MS4A15: variants seen among roughly 807,000 people sequenced by gnomAD.
MS4A15 encodes membrane spanning 4-domains A15.
MS4A15 carries 22 observed loss-of-function variants against 20.6 expected under a neutral mutation model. The observed-to-expected ratio is 1.07, with a 90% CI of 0.76 to 1.52. The LOEUF is 1.52. Among genes scored for constraint, MS4A15 ranks in the 40% most tolerant of loss-of-function variants. MS4A15 has a pLI of 0.00. For synonymous variants in MS4A15, 129 were observed against 129.3 expected, an observed-to-expected ratio of 1.00 and a Z score of 0.02; for missense variants, 312 against 323.0, an observed-to-expected ratio of 0.97 and a Z score of 0.26.
intron 3 of MS4A15, 35 bp downstream of exon 3, chr11:60,767,690 G>A (rs1377354183): frequency 1.1e-5 from 16 of 1,512,794 alleles, no homozygotes; most frequent in Non-Finnish European, 1.4e-5. Flanking sequence ...GAGGGTAGGG[G>A]GATGCTGCCC....
intron 2 of MS4A15, among the ~76,000 whole-genome samples, chr11:60,765,674 C>A (rs1338200307): frequency 6.6e-6 from 1 of 152,114 alleles, no homozygotes; most frequent in Non-Finnish European, 1.5e-5. Context: ...ACTTTCAACC[C>A]CTCTGCTTTG....
intron 2 of MS4A15, 93 bp from the exon 3 acceptor site, chr11:60,767,440 G>A: frequency 7.3e-7 from 1 of 1,360,666 alleles, no homozygotes; most frequent in Non-Finnish European, 9.6e-7. Flanking sequence ...CCAACAAGCG[G>A]GAGGAGGGCG....
At chr11:60,773,014 C>T (rs1337782236) in intron 4 of MS4A15, among the ~76,000 whole-genome samples, 2 of 152,340 alleles carry the variant, frequency 1.3e-5, no homozygotes, top group Admixed American at 6.5e-5. Context: ...CAACCCATGC[C>T]CCTGAGCAGG....
chr11:60,770,012 C>T (rs1853991159), intron 3 of MS4A15, among the ~76,000 whole-genome samples: 1 of 152,222 alleles, frequency 6.6e-6, no homozygotes, highest in Non-Finnish European at 1.5e-5. Context: ...AGCTGCAGGC[C>T]CAGAGTGGCG....
intron 3 of MS4A15, among the ~76,000 whole-genome samples, chr11:60,770,317 C>T (rs1854001216): frequency 1.3e-5 from 2 of 151,266 alleles, no homozygotes; most frequent in Middle Eastern, 3.2e-3. Flanking sequence ...ATATAAGTTC[C>T]GGCCGGGCAC....
chr11:60,775,909 TAA>T lies in MS4A15; in HGVS notation c.*197_*198del, dbSNP rs1488096982. On this transcript the variant is annotated 3_prime_UTR_variant, in exon 7 of 7. Transcript: ENST00000405633. ...CACACTTTCCCCAGTGCTTTCTTTC[TAA>T]AAGACACCGGGCTGACGTCAGGGGT... 10 of 502,392 alleles carry T rather than the reference TAA, an allele frequency of 2.0e-5. No individual in the cohort carries two copies. Among genetic ancestry groups the T allele is most frequent in the Non-Finnish European group, 3.6e-5 (10 of 281,176 alleles). The allele number at this position is 502,392 out of a possible 1,614,324, so 31.1% of individuals were successfully genotyped here. A position where few individuals can be genotyped will look rare whatever the true frequency, so the allele number is the denominator to read the frequency against.
chr11:60,775,694 A>G lies in MS4A15; in HGVS notation c.702A>G (p.Ala234=), dbSNP rs11828795. 5.8e-4 allele frequency: 938 copies of G among 1,613,774 alleles called. 9 individuals carry two copies. The African/African-American group carries it at 0.011, about 19-fold the overall frequency. ...ASAPPAYDNV[A]YAQGVV ...CGCCCCCTGCCTATGACAATGTGGC[A>G]TATGCCCAAGGAGTCGTCTGAGTAG... The change falls in exon 7 of 7, where the codon GCA becomes GCG. Residue 234 remains alanine (A), a synonymous_variant. Transcript: ENST00000405633.
At chr11:60,765,673 C>A (rs1027822716) in intron 2 of MS4A15, among the ~76,000 whole-genome samples, 4 of 152,130 alleles carry the variant, frequency 2.6e-5, no homozygotes, top group Admixed American at 6.5e-5. Flanking sequence ...TACTTTCAAC[C>A]CCTCTGCTTT....
chr11:60,766,905 T>C (rs1833285605), intron 2 of MS4A15, among the ~76,000 whole-genome samples: 1 of 152,212 alleles, frequency 6.6e-6, no homozygotes, highest in Non-Finnish European at 1.5e-5. Context: ...AACATCTCTT[T>C]CCACTCAGTT....
intron 3 of MS4A15, among the ~76,000 whole-genome samples, chr11:60,768,308 C>A (rs1007181284): frequency 2.6e-5 from 4 of 152,226 alleles, no homozygotes; most frequent in Non-Finnish European, 5.9e-5. Context: ...CTCTAGCTCC[C>A]TGAGTTGGGT....
At chr11:60,773,705 C>T (rs907978847) in intron 5 of MS4A15, 132 bp from the exon 6 acceptor site, 26 of 834,632 alleles carry the variant, frequency 3.1e-5, no homozygotes, top group African/African-American at 5.0e-5. Flanking sequence ...GCAGGACTGG[C>T]GGCAGGGGGA....
intron 3 of MS4A15, among the ~76,000 whole-genome samples, chr11:60,768,255 A>G (rs554820145): frequency 6.6e-6 from 1 of 152,100 alleles, no homozygotes; most frequent in Non-Finnish European, 1.5e-5. Flanking sequence ...CACTGCCCAG[A>G]TCCTAAGCCT....
Position 60,767,524 on chromosome 11 carries a change from T to C in MS4A15, c.226-9T>C. The C allele has an allele frequency of 1.3e-6, 2 of 1,515,056 alleles. No individual in the cohort carries two copies. The highest frequency in any genetic ancestry group is 1.8e-6 in the Non-Finnish European group (2 of 1,125,532). The allele number at this position is 1,515,056 out of a possible 1,614,324, so 93.9% of individuals were successfully genotyped here. A position where few individuals can be genotyped will look rare whatever the true frequency, so the allele number is the denominator to read the frequency against. On this transcript the variant is annotated splice_polypyrimidine_tract_variant and intron_variant, in intron 2 of 6. Coordinates refer to ENST00000405633, the MANE Select transcript of MS4A15 (RefSeq NM_001098835.2). Reference sequence around the variant, plus strand: ...GGCCCGCGGCACTGAGCCTCGGGGCTTCCCGCAGACGGTGCAGATCCTCAT... The same window carrying C: ...GGCCCGCGGCACTGAGCCTCGGGGCCTCCCGCAGACGGTGCAGATCCTCAT...
chr11:60,773,819 G>A lies in MS4A15; in HGVS notation c.499-18G>A. 1 of 1,606,918 alleles carries A rather than the reference G, an allele frequency of 6.2e-7. No homozygotes were observed. The highest frequency in any genetic ancestry group is 1.7e-4 in the Middle Eastern group (1 of 5,978). On this transcript the variant is annotated intron_variant, in intron 5 of 6. Coordinates refer to ENST00000405633, the MANE Select transcript of MS4A15 (RefSeq NM_001098835.2). The stretch of plus-strand genomic sequence containing the variant: ...TCTAGAACTCTGGGCTCACCTTTCT[G>A]TGGGTTTTGGTCCCCAGGATGTGGA...
intron 1 of MS4A15, among the ~76,000 whole-genome samples, chr11:60,763,374 A>T (rs997006349): frequency 6.6e-6 from 1 of 152,158 alleles, no homozygotes; most frequent in African/African-American, 2.4e-5. Context: ...GTGTGTCCTT[A>T]GGTAAGTCAC....
At position 60,768,397 on chromosome 11, in the gene MS4A15, C is replaced by T. The variant is rs78283572; in HGVS notation, c.348+742C>T. ...TGAGCCCATTCCTTTGACCTCCTTC[C>T]GGCCAAACTGGCCACTCACCCGTGC... On this transcript the variant is annotated intron_variant, in intron 3 of 6. Coordinates refer to ENST00000405633, the MANE Select transcript of MS4A15 (RefSeq NM_001098835.2). Among the ~76,000 whole-genome samples the T allele has an allele frequency of 6.9e-3, 1,048 of 152,322 alleles. 5 individuals are homozygous for T. Among genetic ancestry groups the T allele is most frequent in the African/African-American group, 0.024 (992 of 41,560 alleles).
At chr11:60,759,993 G>A (rs761311360) in intron 1 of MS4A15, among the ~76,000 whole-genome samples, 8 of 152,050 alleles carry the variant, frequency 5.3e-5, no homozygotes, top group South Asian at 2.1e-4. Flanking sequence ...TGAGTGTGCC[G>A]GACCCCTGGG....
chr11:60,773,433 G>A lies in MS4A15; in HGVS notation c.447G>A (p.Ala149=), dbSNP rs539829291. The change falls in exon 5 of 7, where the codon GCG becomes GCA. Residue 149 remains alanine (A), a synonymous_variant. Coordinates refer to ENST00000405633, the MANE Select transcript of MS4A15 (RefSeq NM_001098835.2). Reference sequence around the variant, plus strand: ...GCACCAACATCCTCAGCGTCATGGCGGCCTTTGCTGGGACAGCCATTCTGC... The same window carrying A: ...GCACCAACATCCTCAGCGTCATGGCAGCCTTTGCTGGGACAGCCATTCTGC... ...SLGTNILSVM[A]AFAGTAILLM... 6.9e-5 allele frequency: 111 copies of A among 1,613,830 alleles called. 4 individuals are homozygous for A. In the South Asian group the frequency reaches 1.1e-3, roughly 16 times the overall value.
At chr11:60,764,048 A>G (rs1334431496) in intron 2 of MS4A15, 90 bp downstream of exon 2, 14 of 1,209,866 alleles carry the variant, frequency 1.2e-5, no homozygotes, top group African/African-American at 6.0e-5. Flanking sequence ...GGGAGAAGGC[A>G]GTTAACAAAT....
Sources: allele counts gnomAD v4.1 joint callset (sites outside exome capture counted in the v4.1 genomes callset), GRCh38; gene constraint gnomAD v4.1.1; transcripts MANE v1.5; gene names NCBI Gene and HGNC (gene_info 2026-07-23, HGNC 2026-07-21).